KLF12: variants seen among roughly 807,000 people sequenced by gnomAD.
The protein encoded by KLF12 is Krueppel-like factor 12.
In KLF12, 9 loss-of-function variants were observed where a neutral mutation model predicts 37.8. The observed-to-expected ratio is 0.24, with a 90% CI of 0.14 to 0.42. The LOEUF is 0.42. Ranked by LOEUF, KLF12 falls within the 10% of genes least tolerant of loss-of-function variation. The pLI is 1.00. For synonymous variants in KLF12, 208 were observed against 202.1 expected (o/e 1.03, Z -0.25); for missense variants, 411 against 516.0 (o/e 0.80, Z 1.97).
intron 4 of KLF12, among the ~76,000 whole-genome samples, chr13:73,815,072 T>G (rs1360768531): frequency 1.3e-5 from 2 of 152,034 alleles, no homozygotes; most frequent in Non-Finnish European, 2.9e-5. Context: ...GTCATGTGAC[T>G]CTGTACCTCC....
intron 3 of KLF12, among the ~76,000 whole-genome samples, chr13:73,942,817 A>T (rs1052016899): frequency 6.6e-5 from 10 of 152,204 alleles, no homozygotes; most frequent in Admixed American, 2.0e-4. Context: ...AGGTGAAATG[A>T]CATCCTCTAC....
the KLF12 span, among the ~76,000 whole-genome samples, chr13:74,187,761 TG>T: frequency 6.6e-6 from 1 of 152,202 alleles, no homozygotes; most frequent in Non-Finnish European, 1.5e-5. Context: ...GCCTTCATTC[TG>T]GCATTTGACA....
chr13:74,082,950 G>A (rs1452026796), intron 1 of KLF12, among the ~76,000 whole-genome samples: 2 of 152,124 alleles, frequency 1.3e-5, no homozygotes, highest in East Asian at 1.9e-4. Flanking sequence ...ATTAAGCAAA[G>A]CAAAACAAGT....
chr13:74,209,758 T>G, the KLF12 span, among the ~76,000 whole-genome samples: 1 of 152,210 alleles, frequency 6.6e-6, no homozygotes, highest in Non-Finnish European at 1.5e-5. Flanking sequence ...ATATGTGAAG[T>G]GCCTACAATA....
the KLF12 span, among the ~76,000 whole-genome samples, chr13:74,201,091 C>A: frequency 2.0e-5 from 3 of 152,228 alleles, no homozygotes; most frequent in South Asian, 4.1e-4. Flanking sequence ...TCTCAAAATG[C>A]CTTCTCTTAT....
At chr13:74,052,438 A>T (rs1441560962) in intron 1 of KLF12, among the ~76,000 whole-genome samples, 1 of 152,116 alleles carries the variant, frequency 6.6e-6, no homozygotes, top group East Asian at 1.9e-4. Flanking sequence ...CATTCTTGAG[A>T]TGACTATTTT....
chr13:73,787,397 C>A (rs957428234), intron 5 of KLF12, among the ~76,000 whole-genome samples: 5 of 152,150 alleles, frequency 3.3e-5, no homozygotes, highest in Admixed American at 2.0e-4. Context: ...TGTATTCTCT[C>A]CAGGGTAAAA....
At chr13:74,073,388 C>T (rs898800851) in intron 1 of KLF12, among the ~76,000 whole-genome samples, 25 of 152,118 alleles carry the variant, frequency 1.6e-4, no homozygotes, top group African/African-American at 5.8e-4. Flanking sequence ...TTTGTACTTC[C>T]GTAAATCTCT....
At chr13:74,050,429 T>C (rs1872834099) in intron 1 of KLF12, among the ~76,000 whole-genome samples, 1 of 152,152 alleles carries the variant, frequency 6.6e-6, no homozygotes, top group South Asian at 2.1e-4. Context: ...GGAAAAAATC[T>C]TGATATGAGG....
intron 3 of KLF12, among the ~76,000 whole-genome samples, chr13:73,882,642 T>G (rs1594208473): frequency 6.6e-6 from 1 of 152,206 alleles, no homozygotes; most frequent in Non-Finnish European, 1.5e-5. Context: ...TAAGTAATCA[T>G]ATGCCACGAT....
At chr13:73,949,858 C>A (rs1303340468) in intron 2 of KLF12, among the ~76,000 whole-genome samples, 2 of 152,178 alleles carry the variant, frequency 1.3e-5, no homozygotes, top group Non-Finnish European at 2.9e-5. Context: ...TCTTTTGCAT[C>A]TTAGGAGAAT....
the KLF12 span, among the ~76,000 whole-genome samples, chr13:74,203,239 C>G: frequency 6.6e-6 from 1 of 151,976 alleles, no homozygotes; most frequent in Non-Finnish European, 1.5e-5. Flanking sequence ...AGTGATCTGG[C>G]TGGAGATTAG....
intron 3 of KLF12, among the ~76,000 whole-genome samples, chr13:73,913,259 A>G (rs1198124681): frequency 6.6e-6 from 1 of 152,156 alleles, no homozygotes; most frequent in East Asian, 1.9e-4. Flanking sequence ...CACGTCACTT[A>G]GTCATCAGTT....
chr13:73,719,416 G>A (rs1290647479), intron 6 of KLF12, among the ~76,000 whole-genome samples: 2 of 97,908 alleles, frequency 2.0e-5, no homozygotes, highest in African/African-American at 7.2e-5. Context: ...AGGACATTGT[G>A]GGCATTCAAA....
intron 2 of KLF12, among the ~76,000 whole-genome samples, chr13:73,967,788 T>C (rs1891212977): frequency 6.6e-6 from 1 of 152,210 alleles, no homozygotes; most frequent in African/African-American, 2.4e-5. Flanking sequence ...TAATATCTTC[T>C]ACATAGAAGG....
intron 5 of KLF12, chr13:73,812,855 G>A: frequency 4.2e-6 from 1 of 239,734 alleles, no homozygotes; most frequent in African/African-American, 2.2e-5. Context: ...ATCAAATAGT[G>A]ACATTCAAAA....
the KLF12 span, among the ~76,000 whole-genome samples, chr13:74,184,007 C>T: frequency 6.6e-6 from 1 of 152,042 alleles, no homozygotes; most frequent in East Asian, 1.9e-4. Context: ...ATATAAATAC[C>T]GTCCTTGCTG....
chr13:73,888,644 T>C (rs1261269921), intron 3 of KLF12, among the ~76,000 whole-genome samples: 3 of 152,184 alleles, frequency 2.0e-5, no homozygotes, highest in Admixed American at 6.5e-5. Flanking sequence ...GAAAAAGATA[T>C]ATGCACATAT....
At chr13:73,960,217 C>T (rs565366283) in intron 2 of KLF12, among the ~76,000 whole-genome samples, 1 of 152,108 alleles carries the variant, frequency 6.6e-6, no homozygotes, top group Non-Finnish European at 1.5e-5. Context: ...ATATGTAGCT[C>T]TTTGTCTTGA....
Sources: gnomAD v4.1 joint callset for allele counts (sites outside exome capture counted in the v4.1 genomes callset) on GRCh38, gnomAD v4.1.1 for gene constraint, MANE v1.5 for transcripts, NCBI Gene and HGNC (gene_info 2026-07-23, HGNC 2026-07-21) for gene names.